The following ZFHX3 variants were observed in gnomAD, a reference collection of about 807,000 sequenced individuals.
ZFHX3 encodes zinc finger homeobox 3.
ZFHX3 carries 42 observed loss-of-function variants against 279.1 expected under a neutral mutation model. That is an observed-to-expected ratio of 0.15 (90% CI 0.12 to 0.19). The LOEUF is 0.19. ZFHX3 is among the 10% of genes least tolerant of loss of function. The pLI, the probability that ZFHX3 is intolerant of heterozygous loss-of-function variation, is 1.00. For missense variants in ZFHX3, 4,981 were observed against 4,754.0 expected (o/e 1.05, Z -1.40); for synonymous variants, 2,293 against 1,957.8 (o/e 1.17, Z -4.52).
intron 5 of ZFHX3, among the ~76,000 whole-genome samples, chr16:73,183,331 T>A (rs1967842692): frequency 6.6e-6 from 1 of 152,216 alleles, no homozygotes; most frequent in South Asian, 2.1e-4. Flanking sequence ...ACCCTCTAAA[T>A]ATATAAAAAT....
At chr16:73,796,700 G>A (rs903721367) in intron 1 of ZFHX3, 3 of 152,282 alleles carry the variant, frequency 2.0e-5, no homozygotes, top group Admixed American at 2.0e-4. Flanking sequence ...CACCTCTGCT[G>A]ATGGGTTCCT....
chr16:73,456,453 C>G (rs1264546953), intron 2 of ZFHX3, among the ~76,000 whole-genome samples: 1 of 152,144 alleles, frequency 6.6e-6, no homozygotes, highest in African/African-American at 2.4e-5. Flanking sequence ...CGAAGTATCA[C>G]AGCAGCTATA....
intron 1 of ZFHX3, among the ~76,000 whole-genome samples, chr16:73,852,078 T>G (rs1269929707): frequency 6.6e-6 from 1 of 152,276 alleles, no homozygotes; most frequent in East Asian, 1.9e-4. Flanking sequence ...TATCTGAGAC[T>G]ATAACCTAAA....
rs546182846 is a variant in ZFHX3 at position 72,890,385 on chromosome 16, C to A, written c.3217-423G>T. On this transcript the variant is annotated intron_variant, in intron 3 of 9. Transcript: ENST00000268489. ...GTTTCCTGAGGCCTCCCCACCCCTG[C>A]AGAACTGTGAGTCAATTTCTTTCCT... Among the ~76,000 whole-genome samples, 14 of 152,310 alleles carry A rather than the reference C, an allele frequency of 9.2e-5. No homozygotes were observed. In the South Asian group the frequency reaches 2.9e-3, roughly 32 times the overall value.
At chr16:72,874,039 C>G (rs1351094167) in intron 4 of ZFHX3, among the ~76,000 whole-genome samples, 1 of 151,960 alleles carries the variant, frequency 6.6e-6, no homozygotes, top group Non-Finnish European at 1.5e-5. Flanking sequence ...CTGTTGTGCC[C>G]GAGGACAGTC....
Position 72,957,892 on chromosome 16 carries a change from T to G in ZFHX3, c.2254A>C (p.Asn752His), listed in dbSNP as rs1391874970. 3.1e-6 allele frequency: 5 copies of G among 1,614,090 alleles called. No individual in the cohort carries two copies. The highest frequency in any genetic ancestry group is 1.6e-4 in the Middle Eastern group (1 of 6,062). ...SIHMQSDKHLNNMQNLQNGGG... is the reference protein window; with the variant it reads ...SIHMQSDKHLHNMQNLQNGGG... ...CCATTCTGCAGGTTCTGCATGTTGT[T>G]GAGATGCTTGTCAGACTGCATATGA... is the stretch of plus-strand genomic sequence containing the variant. The change falls in exon 2 of 10, where the codon AAC becomes CAC. Residue 752 changes from asparagine (N) to histidine (H), a missense_variant. Coordinates refer to ENST00000268489, the MANE Select transcript of ZFHX3 (RefSeq NM_006885.4).
chr16:72,831,235 A>C (rs954017723), intron 4 of ZFHX3, among the ~76,000 whole-genome samples: 1 of 152,224 alleles, frequency 6.6e-6, no homozygotes, highest in Non-Finnish European at 1.5e-5. Context: ...ATGTCTATTT[A>C]GAATCAGATT....
chr16:73,621,302 C>T (rs975788258), intron 2 of ZFHX3, among the ~76,000 whole-genome samples: 2 of 152,296 alleles, frequency 1.3e-5, no homozygotes, highest in South Asian at 4.1e-4. Flanking sequence ...CGATAAAATG[C>T]TGTTGGATAA....
intron 2 of ZFHX3, among the ~76,000 whole-genome samples, chr16:73,566,146 G>C (rs953160577): frequency 6.6e-6 from 1 of 152,196 alleles, no homozygotes; most frequent in Admixed American, 6.5e-5. Context: ...CTGAAGGTCT[G>C]TCTCCACATG....
At chr16:73,483,501 C>T in intron 2 of ZFHX3, 1 of 407,990 alleles carries the variant, frequency 2.5e-6, no homozygotes, top group Non-Finnish European at 4.8e-6. Flanking sequence ...TCAGCCTCGA[C>T]GCTGAACAAA....
chr16:73,509,615 C>G (rs187971192), intron 2 of ZFHX3, among the ~76,000 whole-genome samples: 1 of 148,976 alleles, frequency 6.7e-6, no homozygotes, highest in Non-Finnish European at 1.5e-5. Flanking sequence ...ACCTCCACCC[C>G]CTGGGTTCAA....
At chr16:73,011,983 A>T (rs970935689) in intron 1 of ZFHX3, among the ~76,000 whole-genome samples, 1 of 152,120 alleles carries the variant, frequency 6.6e-6, no homozygotes, top group South Asian at 2.1e-4. Context: ...CTCTTCTGCC[A>T]CCACTGAAAT....
rs150662980 is a variant in ZFHX3, at chr16:73,867,378, G to C, written c.-1608+24273C>G. On this transcript the variant is annotated intron_variant, in intron 1 of 17. Transcript: ENST00000641206. ...TCTGCTTCACTCACCCATGCACCTAGACATCACGTAGCTTAGTAAGGTGGA... is the reference window on the plus strand; with the variant it reads ...TCTGCTTCACTCACCCATGCACCTACACATCACGTAGCTTAGTAAGGTGGA... Among the ~76,000 whole-genome samples the C allele has an allele frequency of 4.4e-3, 663 of 152,256 alleles. 4 individuals carry two copies. Among genetic ancestry groups the C allele is most frequent in the African/African-American group, 0.015 (625 of 41,562 alleles).
At chr16:72,868,228 G>A (rs935006039) in intron 4 of ZFHX3, among the ~76,000 whole-genome samples, 1 of 152,200 alleles carries the variant, frequency 6.6e-6, no homozygotes, top group Non-Finnish European at 1.5e-5. Context: ...AATGAGGGAG[G>A]TATGTGTGGT....
chr16:72,984,565 G>A (rs1450551021), intron 1 of ZFHX3, among the ~76,000 whole-genome samples: 1 of 150,818 alleles, frequency 6.6e-6, no homozygotes, highest in Non-Finnish European at 1.5e-5. Context: ...GGTTGAGGCT[G>A]CAAGGAGCCA....
intron 4 of ZFHX3, among the ~76,000 whole-genome samples, chr16:72,836,847 G>A (rs879808564): frequency 2.6e-5 from 4 of 152,184 alleles, no homozygotes; most frequent in Non-Finnish European, 5.9e-5. Flanking sequence ...TGAAGACTGA[G>A]TGCAGATGTG....
At chr16:73,398,403 G>A (rs1319438858) in intron 3 of ZFHX3, among the ~76,000 whole-genome samples, 2 of 152,190 alleles carry the variant, frequency 1.3e-5, no homozygotes, top group African/African-American at 2.4e-5. Context: ...TAGGGAAGTG[G>A]GGAAGAGCCC....
At chr16:73,547,254 T>C (rs2020133722) in intron 2 of ZFHX3, among the ~76,000 whole-genome samples, 1 of 151,676 alleles carries the variant, frequency 6.6e-6, no homozygotes, top group Non-Finnish European at 1.5e-5. Context: ...GCAAACCCCA[T>C]GTTACCAAAT....
At chr16:73,515,519 A>G in intron 2 of ZFHX3, among the ~76,000 whole-genome samples, 1 of 151,356 alleles carries the variant, frequency 6.6e-6, no homozygotes, top group African/African-American at 2.4e-5. Flanking sequence ...AGAGAGAAAG[A>G]AAGAAAGAGG....
Sources: allele counts gnomAD v4.1 joint callset (sites outside exome capture counted in the v4.1 genomes callset), GRCh38; gene constraint gnomAD v4.1.1; transcripts MANE v1.5; gene names NCBI Gene and HGNC (gene_info 2026-07-23, HGNC 2026-07-21).